Variants in NPY1R observed in about 807,000 individuals in gnomAD.
NPY1R encodes the protein neuropeptide Y receptor type 1.
Under a neutral mutation model 24.1 loss-of-function variants are expected in NPY1R, and 10 were observed. That is an observed-to-expected ratio of 0.42 (90% CI 0.26 to 0.71). The LOEUF (loss-of-function observed/expected upper bound fraction) is 0.71, where lower values mean the gene tolerates loss of function less well. Ranked by LOEUF, NPY1R falls within the 30% of genes least tolerant of loss-of-function variation. NPY1R has a pLI of 0.28. For synonymous variants in NPY1R, 168 were observed against 165.9 expected (o/e 1.01, Z -0.10); for missense variants, 350 against 458.0 (o/e 0.76, Z 2.15).
chr4:163,327,391 C>G (rs1352831921), intron 1 of NPY1R, among the ~76,000 whole-genome samples: 1 of 152,084 alleles, frequency 6.6e-6, no homozygotes, highest in Non-Finnish European at 1.5e-5. Flanking sequence ...AATGTTACAT[C>G]TAATTATATG....
At chr4:163,340,877 TTCTC>T (rs1434211814) in intron 1 of NPY1R, among the ~76,000 whole-genome samples, 2 of 152,098 alleles carry the variant, frequency 1.3e-5, no homozygotes, top group South Asian at 4.1e-4. Flanking sequence ...TAATTATACA[TTCTC>T]TCTGAAAGTC....
chr4:163,342,618 A>G (rs139516106), intron 1 of NPY1R, among the ~76,000 whole-genome samples: 2,121 of 152,266 alleles, frequency 0.014, 26 homozygotes, highest in Non-Finnish European at 0.022. Context: ...GTTCTTTAAA[A>G]GCTCTTGGAT....
chr4:163,326,767 T>G (rs1332987524), intron 1 of NPY1R, 62 bp from the exon 2 acceptor site: 2 of 440,520 alleles, frequency 4.5e-6, no homozygotes, highest in East Asian at 7.1e-5. Flanking sequence ...AAATGACTTC[T>G]GACTCACAGA....
At chr4:163,342,981 G>GACACACACACACACAC (rs142715363) in intron 1 of NPY1R, among the ~76,000 whole-genome samples, 1 of 139,138 alleles carries the variant, frequency 7.2e-6, no homozygotes, top group Non-Finnish European at 1.5e-5. Context: ...CTCTCTCACA[G>GACACACACACACACAC]ACACACACAC....
intron 1 of NPY1R, chr4:163,344,251 G>A (rs567887989): frequency 1.4e-4 from 21 of 152,474 alleles, no homozygotes; most frequent in African/African-American, 4.8e-4. Flanking sequence ...CAGCGGAGAG[G>A]GTACTGGGCT....
chr4:163,332,140 C>A (rs1010125143), intron 1 of NPY1R, among the ~76,000 whole-genome samples: 1 of 152,258 alleles, frequency 6.6e-6, no homozygotes, highest in Admixed American at 6.5e-5. Flanking sequence ...GATAGGCGAA[C>A]TCGGGCGCCT....
upstream of NPY1R, among the ~76,000 whole-genome samples, chr4:163,336,732 G>A (rs373928809): frequency 2.0e-5 from 3 of 152,170 alleles, no homozygotes; most frequent in African/African-American, 7.2e-5. Context: ...AGGTCAAGGC[G>A]GGTGGATCAC....
rs935978780 is a variant in NPY1R, at chr4:163,325,392, G to T, written c.1066C>A (p.His356Asn). 1.9e-6 allele frequency: 3 copies of T among 1,614,074 alleles called. No homozygotes were observed. In the South Asian group the frequency reaches 3.3e-5, roughly 18 times the overall value. Reference sequence around the variant, plus strand: ...AAAGAAGTTTTGGAAACATCTGTGTGCATCGTGGACATGGCTATTGTTTCA... The same window carrying T: ...AAAGAAGTTTTGGAAACATCTGTGTTCATCGTGGACATGGCTATTGTTTCA... ...DYETIAMSTM[H>N]TDVSKTSLKQ... The change falls in exon 3 of 3, where the codon CAC (histidine) becomes AAC (asparagine). Residue 356 changes from histidine (H) to asparagine (N), a missense_variant. By Grantham distance (68) the His-to-Asn change is moderately conservative. Transcript: ENST00000296533.
intron 1 of NPY1R, among the ~76,000 whole-genome samples, chr4:163,340,321 T>C (rs1734949333): frequency 6.6e-6 from 1 of 151,730 alleles, no homozygotes; most frequent in Non-Finnish European, 1.5e-5. Flanking sequence ...TATATATATA[T>C]ATATATTTGT....
intron 1 of NPY1R, among the ~76,000 whole-genome samples, chr4:163,340,781 T>C (rs1217553835): frequency 3.9e-5 from 6 of 152,136 alleles, no homozygotes; most frequent in Non-Finnish European, 8.8e-5. Flanking sequence ...TATAAAAATA[T>C]GTATGTAATA....
rs1277969937 is a variant in NPY1R at position 163,325,227 on chromosome 4, C to T, written c.*76G>A. ...ATTTCAACCCCATTCCTTGGGAGAA[C>T]AGGTAATCAAAGTATGTTGCAGGTT... On this transcript the variant is annotated 3_prime_UTR_variant, in exon 3 of 3. Coordinates refer to ENST00000296533, the MANE Select transcript of NPY1R (RefSeq NM_000909.6). 6 of 1,014,116 alleles carry T rather than the reference C, an allele frequency of 5.9e-6. No homozygotes were observed. The highest frequency in any genetic ancestry group is 8.9e-6 in the Non-Finnish European group (6 of 677,858). The allele number at this position is 1,014,116 out of a possible 1,614,324, so 62.8% of individuals were successfully genotyped here. A position where few individuals can be genotyped will look rare whatever the true frequency, so the allele number is the denominator to read the frequency against.
chr4:163,328,892 C>T (rs1320074905), intron 1 of NPY1R, among the ~76,000 whole-genome samples: 1 of 152,128 alleles, frequency 6.6e-6, no homozygotes, highest in Non-Finnish European at 1.5e-5. Context: ...AGGCATTGTG[C>T]ATACTTCATA....
Position 163,325,597 on chromosome 4 carries a change from A to G in NPY1R, c.861T>C (p.Asp287=), listed in dbSNP as rs763239279. The change falls in exon 3 of 3, where the codon GAT becomes GAC. Residue 287 remains aspartate, a synonymous_variant. Coordinates refer to ENST00000296533, the MANE Select transcript of NPY1R (RefSeq NM_000909.6). The part of the protein sequence containing the change: ...LPLTIFNTVF[D]WNHQIIATCN... The stretch of plus-strand genomic sequence containing the variant: ...AGGTAGCAATGATCTGATGATTCCA[A>G]TCAAACACAGTGTTAAAGATGGTAA... The G allele has an allele frequency of 1.2e-6, 2 of 1,613,714 alleles. No homozygotes were observed. The highest frequency in any genetic ancestry group is 1.7e-6 in the Non-Finnish European group (2 of 1,179,994).
intron 1 of NPY1R, chr4:163,330,620 C>A (rs1324543452): frequency 6.6e-6 from 1 of 152,202 alleles, no homozygotes; most frequent in African/African-American, 2.4e-5. Context: ...TATGCAACTG[C>A]AGAAACTGCA....
chr4:163,337,823 C>T (rs537422720), upstream of NPY1R, among the ~76,000 whole-genome samples: 1 of 152,316 alleles, frequency 6.6e-6, no homozygotes, highest in African/African-American at 2.4e-5. Flanking sequence ...GTCACATCTT[C>T]CCTAGCTGCT....
intron 1 of NPY1R, chr4:163,344,028 C>A (rs1457949955): frequency 6.6e-6 from 1 of 152,430 alleles, no homozygotes; most frequent in Non-Finnish European, 1.5e-5. Flanking sequence ...TCCCTGCCAA[C>A]CCCTTTCGCG....
In NPY1R at chr4:163,325,407, C is replaced by G; in HGVS notation, c.1051G>C (p.Ala351Pro). ...RSRDDDYETI[A>P]MSTMHTDVSK... ...ACATCTGTGTGCATCGTGGACATGGCTATTGTTTCATAATCATCATCCCGA... is the reference window on the plus strand; with the variant it reads ...ACATCTGTGTGCATCGTGGACATGGGTATTGTTTCATAATCATCATCCCGA... Residue 351 changes from alanine to proline, a missense_variant, in exon 3 of 3, where the codon GCC becomes CCC. Ala to Pro is a conservative substitution (Grantham distance 27). Coordinates refer to ENST00000296533, the MANE Select transcript of NPY1R (RefSeq NM_000909.6). 6.2e-7 allele frequency: 1 copy of G among 1,613,992 alleles called. No homozygotes were observed. The highest frequency in any genetic ancestry group is 2.2e-5 in the East Asian group (1 of 44,874).
intron 1 of NPY1R, among the ~76,000 whole-genome samples, chr4:163,343,332 A>T (rs2110828064): frequency 6.6e-6 from 1 of 151,964 alleles, no homozygotes; most frequent in Non-Finnish European, 1.5e-5. Flanking sequence ...GAGTGGGGAA[A>T]CTTCCCTTCT....
chr4:163,342,765 C>T (rs1242587857), intron 1 of NPY1R, among the ~76,000 whole-genome samples: 2 of 152,078 alleles, frequency 1.3e-5, no homozygotes, highest in African/African-American at 2.4e-5. Context: ...GTTAGAATTA[C>T]AAGTCACATT....
Sources: allele counts gnomAD v4.1 joint callset (sites outside exome capture counted in the v4.1 genomes callset), GRCh38; gene constraint gnomAD v4.1.1; transcripts MANE v1.5; gene names NCBI Gene and HGNC (gene_info 2026-07-23, HGNC 2026-07-21).